LIMCH1: variants seen among roughly 807,000 people sequenced by gnomAD.
The protein encoded by LIMCH1 is LIM and calponin homology domains-containing protein 1.
Under a neutral mutation model 176.5 loss-of-function variants are expected in LIMCH1, and 113 were observed. The observed-to-expected ratio is 0.64, with a 90% CI of 0.55 to 0.75. LIMCH1 has a LOEUF of 0.75. Among genes scored for constraint, LIMCH1 ranks in the 30% least tolerant of loss-of-function variants. The pLI is 0.00. For synonymous variants in LIMCH1, 619 were observed against 645.9 expected, an observed-to-expected ratio of 0.96 and a Z score of 0.63; for missense variants, 1,674 against 1,814.9, an observed-to-expected ratio of 0.92 and a Z score of 1.41.
intron 1 of LIMCH1, among the ~76,000 whole-genome samples, chr4:41,576,008 T>G (rs946476117): frequency 6.6e-6 from 1 of 152,182 alleles, no homozygotes; most frequent in African/African-American, 2.4e-5. Flanking sequence ...GAAAACTAAC[T>G]TGCCTAGTTG....
At chr4:41,541,699 A>G (rs2152476189) in intron 1 of LIMCH1, among the ~76,000 whole-genome samples, 1 of 152,286 alleles carries the variant, frequency 6.6e-6, no homozygotes, top group East Asian at 1.9e-4. Flanking sequence ...TGCTTTCTGT[A>G]AGCAGTCATT....
At chr4:41,652,399 G>C (rs1200101509) in intron 18 of LIMCH1, among the ~76,000 whole-genome samples, 1 of 152,100 alleles carries the variant, frequency 6.6e-6, no homozygotes, top group East Asian at 1.9e-4. Context: ...TTGTGATCCA[G>C]GCCACTGCGG....
intron 1 of LIMCH1, among the ~76,000 whole-genome samples, chr4:41,596,968 C>T (rs898573144): frequency 1.3e-5 from 2 of 152,154 alleles, no homozygotes; most frequent in African/African-American, 4.8e-5. Flanking sequence ...TCATTGTTCT[C>T]CCTGTCTCCC....
chr4:41,617,547 C>T (rs1046896368), intron 5 of LIMCH1, among the ~76,000 whole-genome samples: 14 of 152,100 alleles, frequency 9.2e-5, no homozygotes, highest in Admixed American at 3.3e-4. Context: ...GTTTAAGGAC[C>T]GGGTGGAAAG....
At chr4:41,437,462 C>T (rs1032014157) in intron 1 of LIMCH1, among the ~76,000 whole-genome samples, 4 of 152,188 alleles carry the variant, frequency 2.6e-5, no homozygotes, top group Admixed American at 6.5e-5. Context: ...ATTAGGCTTC[C>T]ACCCAGATGG....
chr4:41,448,156 G>A (rs1198383812), intron 1 of LIMCH1, among the ~76,000 whole-genome samples: 2 of 152,182 alleles, frequency 1.3e-5, no homozygotes, highest in Non-Finnish European at 2.9e-5. Context: ...GGAGCTTTTG[G>A]GAGCTTTTGC....
At chr4:41,499,944 G>A (rs763867695) in intron 2 of LIMCH1, among the ~76,000 whole-genome samples, 1 of 152,184 alleles carries the variant, frequency 6.6e-6, no homozygotes, top group African/African-American at 2.4e-5. Context: ...ACATTAACAT[G>A]TTTGAAGATT....
At chr4:41,447,133 C>A (rs889719858) in intron 1 of LIMCH1, among the ~76,000 whole-genome samples, 6 of 152,020 alleles carry the variant, frequency 3.9e-5, no homozygotes, top group Non-Finnish European at 8.8e-5. Flanking sequence ...AGGAGGCTGA[C>A]GTGGGAAAAT....
chr4:41,602,267 T>C (rs1182416412), intron 2 of LIMCH1, among the ~76,000 whole-genome samples: 1 of 151,856 alleles, frequency 6.6e-6, no homozygotes, highest in African/African-American at 2.4e-5. Context: ...ACACAGCAAG[T>C]ATTATTCCAA....
At chr4:41,574,241 TCCCCTCCCCTCCCCTCCCCTC>T (rs2084044177) in intron 1 of LIMCH1, among the ~76,000 whole-genome samples, 1 of 4,116 alleles carries the variant, frequency 2.4e-4, no homozygotes. Context: ...TCCCCTCCCC[TCCCCTCCCCTCCCCTCCCCTC>T]CCCTCCCCTC....
intron 1 of LIMCH1, among the ~76,000 whole-genome samples, chr4:41,581,097 T>A (rs2085328388): frequency 6.7e-6 from 1 of 149,148 alleles, no homozygotes; most frequent in Non-Finnish European, 1.5e-5. Context: ...TGTCTGTCCA[T>A]TCATCTGTCT....
At chr4:41,614,671 A>G (rs1238362111) in intron 5 of LIMCH1, among the ~76,000 whole-genome samples, 3 of 152,168 alleles carry the variant, frequency 2.0e-5, no homozygotes, top group African/African-American at 7.2e-5. Flanking sequence ...ACAGTATCTC[A>G]TTTAGTCCTC....
chr4:41,669,429 C>A (rs1306006714), intron 21 of LIMCH1, among the ~76,000 whole-genome samples: 1 of 152,110 alleles, frequency 6.6e-6, no homozygotes, highest in Non-Finnish European at 1.5e-5. Context: ...TTGTGGAGAT[C>A]GGGTTTTTCA....
At chr4:41,537,484 C>T (rs541133546), upstream of LIMCH1, among the ~76,000 whole-genome samples, 2 of 152,306 alleles carry the variant, frequency 1.3e-5, no homozygotes, top group South Asian at 4.1e-4. Context: ...ACACATTAAT[C>T]TCCCAGCAGT....
chr4:41,692,347 T>G lies in LIMCH1; in HGVS notation c.4341T>G (p.Gly1447=). The G allele has an allele frequency of 1.9e-6, 3 of 1,613,288 alleles. No individual in the cohort carries two copies. The highest frequency in any genetic ancestry group is 2.5e-6 in the Non-Finnish European group (3 of 1,179,396). Residue 1447 remains glycine, a synonymous_variant, in exon 31 of 32, where the codon GGT becomes GGG. Coordinates refer to ENST00000503057, the MANE Select transcript of LIMCH1 (RefSeq NM_001330672.2). ...VSGTDVRIRN[G]LLNCNDCYMR... is the part of the protein sequence containing the mutation. ...GGACGGATGTTAGGATTCGAAATGGTCTCCTGAACTGTAATGATTGCTACA... is the reference window on the plus strand; with the variant it reads ...GGACGGATGTTAGGATTCGAAATGGGCTCCTGAACTGTAATGATTGCTACA...
At chr4:41,515,562 G>A (rs1481708190) in intron 2 of LIMCH1, among the ~76,000 whole-genome samples, 2 of 152,214 alleles carry the variant, frequency 1.3e-5, no homozygotes, top group African/African-American at 4.8e-5. Flanking sequence ...TTGTACACCG[G>A]GCCTGTGCCA....
intron 1 of LIMCH1, among the ~76,000 whole-genome samples, chr4:41,482,645 A>G (rs1413917120): frequency 6.6e-6 from 1 of 152,188 alleles, no homozygotes; most frequent in East Asian, 1.9e-4. Context: ...AAGATCAGGG[A>G]GGAAGCTGAA....
chr4:41,477,936 C>T (rs1366698182), intron 1 of LIMCH1, among the ~76,000 whole-genome samples: 3 of 152,100 alleles, frequency 2.0e-5, no homozygotes, highest in Admixed American at 6.5e-5. Context: ...TAATGGTGGA[C>T]TTGAGGAATA....
At chr4:41,587,923 CT>C (rs920914324) in intron 1 of LIMCH1, among the ~76,000 whole-genome samples, 42 of 152,014 alleles carry the variant, frequency 2.8e-4, no homozygotes, top group East Asian at 5.8e-4. Context: ...ACTTTATATT[CT>C]TTTTTTTATT....
Sources: gnomAD v4.1 joint callset for allele counts (sites outside exome capture counted in the v4.1 genomes callset) on GRCh38, gnomAD v4.1.1 for gene constraint, MANE v1.5 for transcripts, NCBI Gene and HGNC (gene_info 2026-07-23, HGNC 2026-07-21) for gene names.